The following CNTNAP2 variants were observed in gnomAD, a reference collection of about 807,000 sequenced individuals.
CNTNAP2 encodes contactin-associated protein-like 2.
CNTNAP2 carries 98 observed loss-of-function variants against 155.2 expected under a neutral mutation model. That is an observed-to-expected ratio of 0.63 (90% CI 0.54 to 0.75). The LOEUF is 0.75. Ranked by LOEUF, CNTNAP2 falls within the 30% of genes least tolerant of loss-of-function variation. CNTNAP2 has a pLI of 0.00. For missense variants in CNTNAP2, 1,727 were observed against 1,688.1 expected, an observed-to-expected ratio of 1.02 and a Z score of -0.40; for synonymous variants, 651 against 631.2, an observed-to-expected ratio of 1.03 and a Z score of -0.47.
At chr7:148,138,723 A>G (rs1805005121) in intron 16 of CNTNAP2, among the ~76,000 whole-genome samples, 1 of 152,066 alleles carries the variant, frequency 6.6e-6, no homozygotes, top group African/African-American at 2.4e-5. Flanking sequence ...ACCTTTATCT[A>G]TTCTTCCAAA....
At chr7:146,684,900 T>A (rs1004770166) in intron 1 of CNTNAP2, among the ~76,000 whole-genome samples, 3 of 152,148 alleles carry the variant, frequency 2.0e-5, no homozygotes, top group Non-Finnish European at 1.5e-5. Context: ...AGCCATGGAT[T>A]TGGCTTTCAG....
intron 18 of CNTNAP2, among the ~76,000 whole-genome samples, chr7:148,208,947 T>C (rs1030812351): frequency 3.9e-5 from 6 of 152,214 alleles, no homozygotes; most frequent in African/African-American, 1.4e-4. Flanking sequence ...GGGTGACTTC[T>C]CAGGGCCCTC....
chr7:148,181,346 T>TAA (rs1049370340), intron 18 of CNTNAP2, among the ~76,000 whole-genome samples: 2 of 152,046 alleles, frequency 1.3e-5, no homozygotes, highest in Non-Finnish European at 2.9e-5. Flanking sequence ...ATTAAAAGCT[T>TAA]AAAAAATAAA....
chr7:147,175,465 A>G (rs1166799575), intron 8 of CNTNAP2, among the ~76,000 whole-genome samples: 1 of 152,192 alleles, frequency 6.6e-6, no homozygotes, highest in African/African-American at 2.4e-5. Context: ...AACTATATGT[A>G]CATTTCTTGT....
chr7:147,443,141 G>A (rs1797672802), intron 10 of CNTNAP2, among the ~76,000 whole-genome samples: 1 of 152,114 alleles, frequency 6.6e-6, no homozygotes, highest in African/African-American at 2.4e-5. Flanking sequence ...TTTAGGGCCG[G>A]GCCTCAGGGC....
intron 2 of CNTNAP2, among the ~76,000 whole-genome samples, chr7:146,805,645 A>G (rs1234305879): frequency 6.6e-6 from 1 of 152,176 alleles, no homozygotes; most frequent in Non-Finnish European, 1.5e-5. Flanking sequence ...TCTCTACTCC[A>G]TGTCTATAAT....
At chr7:146,818,515 T>G (rs1471996887) in intron 2 of CNTNAP2, among the ~76,000 whole-genome samples, 3 of 151,600 alleles carry the variant, frequency 2.0e-5, no homozygotes, top group Non-Finnish European at 2.9e-5. Flanking sequence ...CCTTTAGGGG[T>G]CTTTTGTTTT....
intron 10 of CNTNAP2, among the ~76,000 whole-genome samples, chr7:147,418,651 T>C (rs1797239894): frequency 6.6e-6 from 1 of 152,222 alleles, no homozygotes; most frequent in South Asian, 2.1e-4. Flanking sequence ...TTATAGCATG[T>C]TGCTATGGCA....
At position 146,784,644 on chromosome 7, in the gene CNTNAP2, C is replaced by T. The variant is rs143240552; in HGVS notation, c.208+10263C>T. Reference sequence around the variant, plus strand: ...CCACTTCCTACTTGTGTTCAATTGCCAAAATTCCTCACTCACTTCTATAAT... The same window carrying T: ...CCACTTCCTACTTGTGTTCAATTGCTAAAATTCCTCACTCACTTCTATAAT... On this transcript the variant is annotated intron_variant, in intron 2 of 23. Transcript: ENST00000361727. Among the ~76,000 whole-genome samples, 7 of 152,276 alleles carry T rather than the reference C, an allele frequency of 4.6e-5. No individual in the cohort carries two copies. The East Asian group carries it at 1.4e-3, about 29-fold the overall frequency.
intron 13 of CNTNAP2, among the ~76,000 whole-genome samples, chr7:147,734,584 A>C (rs1796804895): frequency 6.6e-6 from 1 of 152,320 alleles, no homozygotes; most frequent in South Asian, 2.1e-4. Flanking sequence ...TAGTTTCAGA[A>C]GGAATGGTAC....
chr7:146,937,956 A>G (rs1473738904), intron 3 of CNTNAP2, among the ~76,000 whole-genome samples: 1 of 152,160 alleles, frequency 6.6e-6, no homozygotes, highest in Non-Finnish European at 1.5e-5. Context: ...GCATATTTAC[A>G]ATGATCTGAT....
At chr7:146,119,302 A>G (rs1168746643) in intron 1 of CNTNAP2, among the ~76,000 whole-genome samples, 4 of 152,126 alleles carry the variant, frequency 2.6e-5, no homozygotes, top group African/African-American at 7.2e-5. Flanking sequence ...TGAGGGACAG[A>G]AGATGTTTAT....
chr7:147,348,662 G>A (rs568642568), intron 9 of CNTNAP2, among the ~76,000 whole-genome samples: 11 of 151,200 alleles, frequency 7.3e-5, no homozygotes, highest in South Asian at 6.3e-4. Context: ...CAAAGGAAAA[G>A]AAATCATTAT....
At chr7:146,306,931 T>C (rs1346930067) in intron 1 of CNTNAP2, among the ~76,000 whole-genome samples, 1 of 152,134 alleles carries the variant, frequency 6.6e-6, no homozygotes, top group Non-Finnish European at 1.5e-5. Flanking sequence ...AAGGCAGGGA[T>C]GCCCTCTCTC....
intron 1 of CNTNAP2, among the ~76,000 whole-genome samples, chr7:146,454,373 G>C (rs1433529888): frequency 6.6e-6 from 1 of 152,096 alleles, no homozygotes; most frequent in Non-Finnish European, 1.5e-5. Flanking sequence ...GTTTGAGTTT[G>C]TTTACGCAGA....
intron 4 of CNTNAP2, among the ~76,000 whole-genome samples, chr7:147,086,225 C>T (rs370002734): frequency 5.3e-5 from 8 of 152,016 alleles, no homozygotes; most frequent in African/African-American, 1.9e-4. Context: ...TATCTCTGGG[C>T]TCAATGAGTT....
chr7:146,850,119 A>C (rs1585121546), intron 3 of CNTNAP2, among the ~76,000 whole-genome samples: 1 of 152,214 alleles, frequency 6.6e-6, no homozygotes, highest in Admixed American at 6.5e-5. Flanking sequence ...CTGCAGTGAA[A>C]TGATCATTCT....
At chr7:147,140,354 A>G (rs996216296) in intron 8 of CNTNAP2, among the ~76,000 whole-genome samples, 2 of 151,772 alleles carry the variant, frequency 1.3e-5, no homozygotes, top group African/African-American at 2.4e-5. Context: ...CTGCCTGGAT[A>G]TTGGAGTACT....
At chr7:146,516,187 C>A (rs530892233) in intron 1 of CNTNAP2, among the ~76,000 whole-genome samples, 107 of 152,026 alleles carry the variant, frequency 7.0e-4, no homozygotes, top group African/African-American at 2.5e-3. Flanking sequence ...TCTTTACTAT[C>A]ATGGGTAGCA....
Sources: gnomAD v4.1 joint callset for allele counts (sites outside exome capture counted in the v4.1 genomes callset) on GRCh38, gnomAD v4.1.1 for gene constraint, MANE v1.5 for transcripts, NCBI Gene and HGNC (gene_info 2026-07-23, HGNC 2026-07-21) for gene names.